The following ENTPD4 variants were observed in gnomAD, a reference collection of about 807,000 sequenced individuals.
The protein encoded by ENTPD4 is ectonucleoside triphosphate diphosphohydrolase 4, also known as Golgi UDPase.
In ENTPD4, 60 loss-of-function variants were observed where a neutral mutation model predicts 79.1. The ratio of observed to expected loss-of-function variants is 0.76; its 90% CI spans 0.62 to 0.94. The LOEUF (loss-of-function observed/expected upper bound fraction) is 0.94. Among genes scored for constraint, ENTPD4 ranks in the 40% least tolerant of loss-of-function variants. The pLI is 0.00. For synonymous variants in ENTPD4, 276 were observed against 292.0 expected (o/e 0.95, Z 0.56); for missense variants, 772 against 775.1 (o/e 1.00, Z 0.05).
At chr8:23,440,613 T>C (rs184444726) in intron 8 of ENTPD4, among the ~76,000 whole-genome samples, 2 of 152,112 alleles carry the variant, frequency 1.3e-5, no homozygotes, top group Admixed American at 6.5e-5. Context: ...GAATGGGAGG[T>C]AGGAAAAACA....
intron 2 of ENTPD4, 100 bp downstream of exon 2, chr8:23,449,793 C>A: frequency 9.3e-7 from 1 of 1,069,928 alleles, no homozygotes; most frequent in African/African-American, 1.5e-5. Flanking sequence ...CACAGCACAA[C>A]TTCACATTTT....
intron 9 of ENTPD4, among the ~76,000 whole-genome samples, chr8:23,439,147 T>C (rs956568174): frequency 6.6e-6 from 1 of 151,918 alleles, no homozygotes; most frequent in African/African-American, 2.4e-5. Flanking sequence ...ACCAATAGAG[T>C]GCTGTTTTGT....
chr8:23,456,361 C>T (rs990234932), intron 1 of ENTPD4, among the ~76,000 whole-genome samples: 1 of 152,212 alleles, frequency 6.6e-6, no homozygotes, highest in African/African-American at 2.4e-5. Context: ...CAACATGTTT[C>T]TTTGTCAAGA....
At chr8:23,433,250 T>A in intron 12 of ENTPD4, 96 bp from the exon 13 acceptor site, 1 of 1,015,818 alleles carries the variant, frequency 9.8e-7, no homozygotes, top group African/African-American at 1.6e-5. Flanking sequence ...GCCCCAGAGC[T>A]GCACTTTAGG....
chr8:23,440,100 G>A (rs1800641621), intron 8 of ENTPD4, 185 bp from the exon 9 acceptor site: 2 of 543,268 alleles, frequency 3.7e-6, no homozygotes, highest in Non-Finnish European at 6.5e-6. Flanking sequence ...TTTCAGATGG[G>A]CTGCAAATTT....
intron 6 of ENTPD4, among the ~76,000 whole-genome samples, chr8:23,443,064 C>T (rs1800701649): frequency 6.6e-6 from 1 of 152,100 alleles, no homozygotes; most frequent in Admixed American, 6.5e-5. Context: ...TCCTGCCCCT[C>T]CCTCAGAGCC....
chr8:23,446,078 G>A (rs17697423), intron 4 of ENTPD4, among the ~76,000 whole-genome samples: 2,617 of 152,276 alleles, frequency 0.017, 25 homozygotes, highest in Middle Eastern at 0.044. Flanking sequence ...ACCCTATTAA[G>A]AAATTTCTAG....
intron 10 of ENTPD4, 145 bp downstream of exon 10, chr8:23,436,789 G>A: frequency 1.4e-6 from 1 of 703,490 alleles, no homozygotes; most frequent in Non-Finnish European, 2.4e-6. Context: ...CTCCCTCCAA[G>A]CAAAGGGAAC....
rs1466461101 is a variant in ENTPD4 at position 23,433,004 on chromosome 8, G to T, written c.1773C>A (p.Arg591=). The part of the protein sequence containing the change: ...YLLRLRRIHR[R]TPRSSSAAAL... ...CGGCGGCCGAGCTGCTCCGGGGAGT[G>T]CGCCTGTGGATGCGCCGCAGCCGCA... is the stretch of plus-strand genomic sequence containing the variant. Residue 591 remains arginine, a synonymous_variant, in exon 13 of 13, where the codon CGC becomes CGA. Transcript: ENST00000358689. 6.2e-7 allele frequency: 1 copy of T among 1,613,868 alleles called. No homozygotes were observed. The highest frequency in any genetic ancestry group is 8.5e-7 in the Non-Finnish European group (1 of 1,179,926).
At chr8:23,452,620 G>T (rs10111621) in intron 1 of ENTPD4, among the ~76,000 whole-genome samples, 2 of 152,114 alleles carry the variant, frequency 1.3e-5, no homozygotes, top group Non-Finnish European at 2.9e-5. Context: ...TGACATCATC[G>T]CAGAAAGCTC....
At chr8:23,433,545 G>A (rs1800500192) in intron 12 of ENTPD4, among the ~76,000 whole-genome samples, 1 of 152,126 alleles carries the variant, frequency 6.6e-6, no homozygotes. Flanking sequence ...GGAGGGGGTG[G>A]GGGGAAGAGC....
At chr8:23,434,624 G>GTT in intron 11 of ENTPD4, 146 bp from the exon 12 acceptor site, 1 of 1,454,480 alleles carries the variant, frequency 6.9e-7, no homozygotes, top group Non-Finnish European at 9.1e-7. Context: ...AACTGCGCGC[G>GTT]TTTCAAGGTT....
At chr8:23,448,304 C>T (rs1170147652) in intron 3 of ENTPD4, among the ~76,000 whole-genome samples, 1 of 152,166 alleles carries the variant, frequency 6.6e-6, no homozygotes, top group East Asian at 1.9e-4. Flanking sequence ...AATCTAGTTC[C>T]TACAGTTCCT....
At chr8:23,448,185 C>T (rs1195137444) in intron 3 of ENTPD4, among the ~76,000 whole-genome samples, 1 of 152,180 alleles carries the variant, frequency 6.6e-6, no homozygotes, top group Non-Finnish European at 1.5e-5. Flanking sequence ...ACACGAGACG[C>T]TTATGTATAA....
intron 2 of ENTPD4, among the ~76,000 whole-genome samples, chr8:23,449,619 A>T (rs1800824006): frequency 6.6e-6 from 1 of 152,220 alleles, no homozygotes. Flanking sequence ...GTCAAGAATG[A>T]GAGGCTCATT....
chr8:23,441,833 C>G, intron 7 of ENTPD4, 110 bp from the exon 8 acceptor site: 1 of 1,284,234 alleles, frequency 7.8e-7, no homozygotes, highest in South Asian at 1.4e-5. Flanking sequence ...CAGGCAAACC[C>G]AGTCTACTCC....
Position 23,449,836 on chromosome 8 carries a change from A to C in ENTPD4, c.8+57T>G, listed in dbSNP as rs534689366. The C allele has an allele frequency of 1.4e-5, 20 of 1,434,746 alleles. No individual in the cohort carries two copies. The South Asian group carries it at 1.8e-4, about 13-fold the overall frequency. 88.9% of individuals were successfully genotyped at this position (1,434,746 alleles called of 1,614,324 possible). ...CGATTTAGATTTTTTTTCTCTCAAG[A>C]CCTGTTTTTGCATCACCAAGATTTC... On this transcript the variant is annotated intron_variant, in intron 2 of 12. Transcript: ENST00000358689.
chr8:23,429,347 C>T lies in ENTPD4; in HGVS notation c.*3579G>A. ...CTCCCTTGCTTTTTATAATTCCTAA[C>T]TGTAAAATATAATTTTAGTACAGAA... On this transcript the variant is annotated 3_prime_UTR_variant, in exon 13 of 13. Transcript: ENST00000358689. 1 of 985,076 alleles carries T rather than the reference C, an allele frequency of 1.0e-6. No individual in the cohort carries two copies. The highest frequency in any genetic ancestry group is 1.2e-6 in the Non-Finnish European group (1 of 829,630). 61.0% of individuals were successfully genotyped at this position (985,076 alleles called of 1,614,324 possible). A position where few individuals can be genotyped will look rare whatever the true frequency, so the allele number is the denominator to read the frequency against.
chr8:23,437,283 C>T (rs771831338), intron 9 of ENTPD4, 25 bp from the exon 10 acceptor site: 10 of 1,531,416 alleles, frequency 6.5e-6, no homozygotes, highest in East Asian at 2.3e-5. Flanking sequence ...GAAACTTCAT[C>T]GTGAGTCCTA....
Sources: allele counts gnomAD v4.1 joint callset (sites outside exome capture counted in the v4.1 genomes callset), GRCh38; gene constraint gnomAD v4.1.1; transcripts MANE v1.5; gene names NCBI Gene and HGNC (gene_info 2026-07-23, HGNC 2026-07-21).